Variants in PDS5B observed in about 807,000 individuals in gnomAD.
PDS5B encodes sister chromatid cohesion protein PDS5 homolog B.
In PDS5B, 51 loss-of-function variants were observed where a neutral mutation model predicts 184.1. The observed-to-expected ratio is 0.28, with a 90% CI of 0.22 to 0.35. The LOEUF is 0.35. Ranked by LOEUF, PDS5B falls within the 10% of genes least tolerant of loss-of-function variation. PDS5B has a pLI of 1.00. For missense variants in PDS5B, 1,180 were observed against 1,723.3 expected (o/e 0.68, Z 5.58); for synonymous variants, 566 against 569.2 (o/e 0.99, Z 0.08).
At chr13:32,631,351 C>G (rs1176190148) in intron 1 of PDS5B, among the ~76,000 whole-genome samples, 1 of 152,120 alleles carries the variant, frequency 6.6e-6, no homozygotes, top group Non-Finnish European at 1.5e-5. Flanking sequence ...CCTTGACCTC[C>G]CAAAGTGTTA....
intron 20 of PDS5B, among the ~76,000 whole-genome samples, chr13:32,733,615 T>C (rs187673896): frequency 4.0e-4 from 61 of 152,314 alleles, no homozygotes; most frequent in African/African-American, 1.4e-3. Context: ...GTATTGGCCT[T>C]TCAAGCCTAC....
At chr13:32,620,225 C>T (rs2058278386) in intron 1 of PDS5B, among the ~76,000 whole-genome samples, 2 of 152,150 alleles carry the variant, frequency 1.3e-5, no homozygotes, top group South Asian at 2.1e-4. Flanking sequence ...TTTTAATGTT[C>T]ACAATACTAA....
chr13:32,717,255 A>G (rs1171394700), intron 19 of PDS5B, among the ~76,000 whole-genome samples: 4 of 151,844 alleles, frequency 2.6e-5, no homozygotes, highest in African/African-American at 9.6e-5. Flanking sequence ...GAAAGGGGGG[A>G]AAGGTGGGGA....
At chr13:32,620,846 A>G (rs939258596) in intron 1 of PDS5B, among the ~76,000 whole-genome samples, 3 of 152,140 alleles carry the variant, frequency 2.0e-5, no homozygotes, top group Admixed American at 1.3e-4. Flanking sequence ...ATTTGTTGAC[A>G]TAGTTTTCTT....
Position 32,765,189 on chromosome 13 carries a change from A to G in PDS5B, c.3624+595A>G, listed in dbSNP as rs139680697. Reference sequence around the variant, plus strand: ...CAGTTATGTCTTCTAACACAACTCAATGGACTTAACTGGGTTTGTTTTGAC... The same window carrying G: ...CAGTTATGTCTTCTAACACAACTCAGTGGACTTAACTGGGTTTGTTTTGAC... On this transcript the variant is annotated intron_variant, in intron 31 of 34. Coordinates refer to ENST00000315596, the MANE Select transcript of PDS5B (RefSeq NM_015032.4). Among the ~76,000 whole-genome samples the G allele has an allele frequency of 8.9e-3, 1,349 of 152,358 alleles. 12 individuals carry two copies. Among genetic ancestry groups the G allele is most frequent in the African/African-American group, 0.021 (868 of 41,586 alleles).
chr13:32,663,148 C>T (rs1476239984), intron 6 of PDS5B, among the ~76,000 whole-genome samples: 1 of 152,050 alleles, frequency 6.6e-6, no homozygotes, highest in Non-Finnish European at 1.5e-5. Context: ...ATTACAGCAG[C>T]AGAACTCAAA....
chr13:32,706,852 G>A (rs1377861559), intron 17 of PDS5B, 82 bp from the exon 18 acceptor site: 4 of 757,662 alleles, frequency 5.3e-6, no homozygotes, highest in Non-Finnish European at 8.8e-6. Flanking sequence ...ATATGTATGT[G>A]CACATATATG....
chr13:32,687,084 T>G (rs1230210864), intron 11 of PDS5B, 50 bp from the exon 12 acceptor site: 1 of 1,427,658 alleles, frequency 7.0e-7, no homozygotes, highest in East Asian at 2.4e-5. Context: ...TTCCTTAATT[T>G]ATATAATGGA....
rs375905483 is a variant in PDS5B, at chr13:32,741,648, AC to A, written c.2475+501del. On this transcript the variant is annotated intron_variant, in intron 22 of 34. Coordinates refer to ENST00000315596, the MANE Select transcript of PDS5B (RefSeq NM_015032.4). ...CAAGATATGAAGGCCAAAAATACAT[AC>A]ATTAAATATTGTTATTTTCTAGCTG... 3.1e-4 allele frequency among the ~76,000 whole-genome samples: 47 copies of A among 151,920 alleles called. No individual in the cohort carries two copies. The East Asian group carries it at 6.6e-3, about 21-fold the overall frequency.
Position 32,755,705 on chromosome 13 carries a change from C to T in PDS5B, c.2942-137C>T, listed in dbSNP as rs1593613717. On this transcript the variant is annotated intron_variant, in intron 25 of 34. Transcript: ENST00000315596. Reference sequence around the variant, plus strand: ...TTTTTCTTCAAGTCATTGTGGTGAACTGTTGGGATGCAGAAAATATAGTAC... The same window carrying T: ...TTTTTCTTCAAGTCATTGTGGTGAATTGTTGGGATGCAGAAAATATAGTAC... 5.7e-6 allele frequency: 3 copies of T among 522,006 alleles called. No individual in the cohort carries two copies. In the East Asian group the frequency reaches 9.3e-5, roughly 16 times the overall value. The allele number at this position is 522,006 out of a possible 1,614,324, so 32.3% of individuals were successfully genotyped here. A position where few individuals can be genotyped will look rare whatever the true frequency, so the allele number is the denominator to read the frequency against.
chr13:32,675,776 A>G, intron 8 of PDS5B, 68 bp from the exon 9 acceptor site: 3 of 850,548 alleles, frequency 3.5e-6, no homozygotes, highest in Non-Finnish European at 5.7e-6. Flanking sequence ...AATTATGGCA[A>G]AGAATGGGCA....
At chr13:32,598,363 G>A (rs955714706) in intron 1 of PDS5B, among the ~76,000 whole-genome samples, 2 of 151,972 alleles carry the variant, frequency 1.3e-5, no homozygotes, top group African/African-American at 2.4e-5. Context: ...GTGAGCCACC[G>A]CGCCTGGCCA....
Position 32,743,182 on chromosome 13 carries a change from A to C in PDS5B, c.2612+455A>C, listed in dbSNP as rs945528966. ...TTTTTGTTATTTTATTTTCTTTGAA[A>C]GATGTAGTAAGTACAGTGTAGTGAT... On this transcript the variant is annotated intron_variant, in intron 23 of 34. Transcript: ENST00000315596. 3.3e-5 allele frequency among the ~76,000 whole-genome samples: 5 copies of C among 152,008 alleles called. 1 individual carries two copies. The highest frequency in any genetic ancestry group is 7.4e-5 in the Non-Finnish European group (5 of 67,968).
At chr13:32,742,564 T>A (rs923182311) in intron 22 of PDS5B, 27 bp from the exon 23 acceptor site, 1 of 1,583,870 alleles carries the variant, frequency 6.3e-7, no homozygotes, top group Non-Finnish European at 8.6e-7. Flanking sequence ...TACCAGTGTT[T>A]TATTTGTCGA....
chr13:32,676,689 T>C (rs555235913), intron 9 of PDS5B, among the ~76,000 whole-genome samples: 2 of 152,266 alleles, frequency 1.3e-5, no homozygotes, highest in South Asian at 4.1e-4. Context: ...CCTAGCACTT[T>C]GGGAGGCCGA....
At position 32,753,234 on chromosome 13, in the gene PDS5B, T is replaced by A. The variant is rs1954050846; in HGVS notation, c.2737-98T>A. ...AAGCAATTATTGTAGATAAACTTGC[T>A]ACTGTTTACTCTTTACTTAAAATAG... On this transcript the variant is annotated intron_variant, in intron 24 of 34. Transcript: ENST00000315596. 4.7e-6 allele frequency: 4 copies of A among 857,596 alleles called. No individual in the cohort carries two copies. In the Admixed American group the frequency reaches 8.8e-5, roughly 19 times the overall value. 53.1% of individuals were successfully genotyped at this position (857,596 alleles called of 1,614,324 possible).
chr13:32,669,690 T>C (rs1037365429), intron 7 of PDS5B, among the ~76,000 whole-genome samples: 2 of 152,196 alleles, frequency 1.3e-5, no homozygotes, highest in Non-Finnish European at 1.5e-5. Flanking sequence ...TTTCATATTA[T>C]GTCTTTATCA....
rs777877180 is a variant in PDS5B at position 32,688,578 on chromosome 13, C to G, written c.1469+9C>G. On this transcript the variant is annotated intron_variant, in intron 13 of 34. Transcript: ENST00000315596. ...GATTTAAATGCTGTGAAGTATGTTT[C>G]AAATATCAAATTCTGTTCTTTTCAT... 4 of 1,404,544 alleles carry G rather than the reference C, an allele frequency of 2.8e-6. No individual in the cohort carries two copies. In the South Asian group the frequency reaches 4.6e-5, roughly 16 times the overall value. The allele number at this position is 1,404,544 out of a possible 1,614,324, so 87.0% of individuals were successfully genotyped here.
At chr13:32,700,154 ATT>A (rs1164991985) in intron 16 of PDS5B, among the ~76,000 whole-genome samples, 1 of 152,128 alleles carries the variant, frequency 6.6e-6, no homozygotes, top group East Asian at 1.9e-4. Context: ...ATGTACTATA[ATT>A]TGTTGAGTAG....
Sources: allele counts gnomAD v4.1 joint callset (sites outside exome capture counted in the v4.1 genomes callset), GRCh38; gene constraint gnomAD v4.1.1; transcripts MANE v1.5; gene names NCBI Gene and HGNC (gene_info 2026-07-23, HGNC 2026-07-21).